Variants in PRKCQ observed in about 807,000 individuals in gnomAD.
PRKCQ encodes protein kinase C theta type.
In PRKCQ, 41 loss-of-function variants were observed where a neutral mutation model predicts 91.2. The observed-to-expected ratio is 0.45, with a 90% CI of 0.35 to 0.58. PRKCQ has a LOEUF of 0.58. Ranked by LOEUF, PRKCQ falls within the 20% of genes least tolerant of loss-of-function variation. The pLI, the probability that PRKCQ is intolerant of heterozygous loss-of-function variation, is 0.00. For missense variants in PRKCQ, 673 were observed against 896.5 expected, an observed-to-expected ratio of 0.75 and a Z score of 3.18; for synonymous variants, 307 against 316.9, an observed-to-expected ratio of 0.97 and a Z score of 0.33.
chr10:6,516,107 A>G (rs1031392756), intron 1 of PRKCQ, among the ~76,000 whole-genome samples: 1 of 152,262 alleles, frequency 6.6e-6, no homozygotes. Context: ...GATAAGAAAC[A>G]AAGCATTGAT....
At chr10:6,500,763 T>C (rs1837862976) in intron 4 of PRKCQ, among the ~76,000 whole-genome samples, 1 of 152,176 alleles carries the variant, frequency 6.6e-6, no homozygotes, top group South Asian at 2.1e-4. Context: ...ACCTATCACT[T>C]GTTTGTAGTC....
At position 6,515,141 on chromosome 10, in the gene PRKCQ, C is replaced by A. The variant is rs751565094; in HGVS notation, c.-6G>T. On this transcript the variant is annotated 5_prime_UTR_variant, in exon 2 of 18. Coordinates refer to ENST00000263125, the MANE Select transcript of PRKCQ (RefSeq NM_006257.5). Reference sequence around the variant, plus strand: ...ATCCGAAGAAATGGCGACATGGTTGCGCCCTGGAAAAAGACAAAAGACAAA... The same window carrying A: ...ATCCGAAGAAATGGCGACATGGTTGAGCCCTGGAAAAAGACAAAAGACAAA... 1.6e-5 allele frequency: 26 copies of A among 1,612,162 alleles called. No individual in the cohort carries two copies. Among genetic ancestry groups the A allele is most frequent in the Non-Finnish European group, 2.2e-5 (26 of 1,179,622 alleles).
At chr10:6,516,660 T>C (rs584514) in intron 1 of PRKCQ, among the ~76,000 whole-genome samples, 149,825 of 152,286 alleles carry the variant, frequency 0.98, 73,757 homozygotes, top group Middle Eastern at 1. Flanking sequence ...TTTGCCCTGT[T>C]GGGACTTTCT....
intron 1 of PRKCQ, among the ~76,000 whole-genome samples, chr10:6,556,364 A>G (rs954760788): frequency 1.4e-4 from 20 of 144,340 alleles, no homozygotes; most frequent in African/African-American, 4.8e-4. Context: ...CCCAGGAGTT[A>G]GAGGCTACAG....
At chr10:6,401,224 C>T in the PRKCQ span, among the ~76,000 whole-genome samples, 88 of 152,274 alleles carry the variant, frequency 5.8e-4, no homozygotes, top group African/African-American at 2.1e-3. Context: ...TAGCCTTGCA[C>T]GGAAAACATT....
At chr10:6,459,117 C>G (rs11258964) in intron 14 of PRKCQ, among the ~76,000 whole-genome samples, 6,436 of 152,248 alleles carry the variant, frequency 0.042, 390 homozygotes, top group African/African-American at 0.13. Context: ...CCTGGAGTCA[C>G]TTCTTCCATC....
chr10:6,454,130 A>C (rs986721512), intron 15 of PRKCQ, among the ~76,000 whole-genome samples: 1 of 152,198 alleles, frequency 6.6e-6, no homozygotes, highest in Admixed American at 6.5e-5. Flanking sequence ...TGTTAGTATA[A>C]CCTGATCATA....
chr10:6,413,914 G>A, the PRKCQ span, among the ~76,000 whole-genome samples: 2 of 152,316 alleles, frequency 1.3e-5, no homozygotes, highest in South Asian at 2.1e-4. Context: ...GAAGTAACAG[G>A]AACTGGATTT....
intron 1 of PRKCQ, among the ~76,000 whole-genome samples, chr10:6,527,675 T>C (rs1839246717): frequency 6.6e-6 from 1 of 152,138 alleles, no homozygotes. Context: ...CAGCGGTCAC[T>C]TCACAACCCT....
chr10:6,532,647 ATTT>A (rs1157564791), intron 1 of PRKCQ, among the ~76,000 whole-genome samples: 4 of 152,228 alleles, frequency 2.6e-5, no homozygotes, highest in Admixed American at 2.0e-4. Flanking sequence ...ACATGACAGC[ATTT>A]TTTAACTGCA....
chr10:6,525,264 T>C (rs916805895), intron 1 of PRKCQ, among the ~76,000 whole-genome samples: 16 of 152,110 alleles, frequency 1.1e-4, no homozygotes, highest in African/African-American at 3.6e-4. Context: ...TTTGCAGTTT[T>C]TGCCATTAAA....
At chr10:6,493,933 T>G (rs1383102284) in intron 7 of PRKCQ, among the ~76,000 whole-genome samples, 3 of 152,184 alleles carry the variant, frequency 2.0e-5, no homozygotes, top group African/African-American at 7.2e-5. Flanking sequence ...CCTGCCCCTT[T>G]GTTGGAGAAA....
At chr10:6,453,711 A>G (rs1834837679) in intron 15 of PRKCQ, among the ~76,000 whole-genome samples, 1 of 150,668 alleles carries the variant, frequency 6.6e-6, no homozygotes, top group Non-Finnish European at 1.5e-5. Flanking sequence ...AAAATGTGGC[A>G]CATATACACC....
At chr10:6,445,105 C>T (rs1442138935) in intron 15 of PRKCQ, among the ~76,000 whole-genome samples, 1 of 110,960 alleles carries the variant, frequency 9.0e-6, no homozygotes, top group East Asian at 2.5e-4. Context: ...GCCTAGGTGA[C>T]AGAGCAAGAC....
intron 1 of PRKCQ, among the ~76,000 whole-genome samples, chr10:6,546,973 G>A (rs1839974789): frequency 6.6e-6 from 1 of 152,170 alleles, no homozygotes; most frequent in African/African-American, 2.4e-5. Context: ...GGCCTTTTCT[G>A]AATCTATTGA....
intron 15 of PRKCQ, among the ~76,000 whole-genome samples, chr10:6,455,159 T>C (rs1464271827): frequency 6.6e-6 from 1 of 152,162 alleles, no homozygotes. Context: ...TATTTCAGAA[T>C]TGTTACAAAG....
intron 4 of PRKCQ, among the ~76,000 whole-genome samples, chr10:6,506,502 AG>A (rs1466817639): frequency 6.6e-6 from 1 of 152,240 alleles, no homozygotes; most frequent in Non-Finnish European, 1.5e-5. Flanking sequence ...TATATGTAAA[AG>A]ATCAGTGTGC....
At chr10:6,403,227 CAG>C in the PRKCQ span, among the ~76,000 whole-genome samples, 1 of 152,322 alleles carries the variant, frequency 6.6e-6, no homozygotes, top group East Asian at 1.9e-4. Context: ...GGTGGACACT[CAG>C]AGGTGGGGTG....
chr10:6,481,156 A>T (rs72781765), intron 11 of PRKCQ, among the ~76,000 whole-genome samples: 34,788 of 152,168 alleles, frequency 0.23, 4,650 homozygotes, highest in Non-Finnish European at 0.31. Context: ...AGCTTTGGAC[A>T]TGGAGTGGGG....
Sources: gnomAD v4.1 joint callset for allele counts (sites outside exome capture counted in the v4.1 genomes callset) on GRCh38, gnomAD v4.1.1 for gene constraint, MANE v1.5 for transcripts, NCBI Gene and HGNC (gene_info 2026-07-23, HGNC 2026-07-21) for gene names.